CAPN1: variants seen among roughly 807,000 people sequenced by gnomAD.
CAPN1 encodes the protein calpain 1.
In CAPN1, 77 loss-of-function variants were observed where a neutral mutation model predicts 105.2. The observed-to-expected ratio is 0.73, with a 90% CI of 0.61 to 0.88. The LOEUF is 0.88. Ranked by LOEUF, CAPN1 falls within the 40% of genes least tolerant of loss-of-function variation. The pLI is 0.00. For synonymous variants in CAPN1, 355 were observed against 388.8 expected (o/e 0.91, Z 1.02); for missense variants, 833 against 976.6 (o/e 0.85, Z 1.96).
chr11:65,200,638 C>T (rs752976946), intron 10 of CAPN1, among the ~76,000 whole-genome samples: 10 of 151,868 alleles, frequency 6.6e-5, no homozygotes, highest in Non-Finnish European at 1.0e-4. Context: ...CCACCGTGCC[C>T]GGCCGCCTTG....
rs778729807 is a variant in CAPN1, at chr11:65,182,841, T to C, written c.140T>C (p.Val47Ala). 18 of 1,597,710 alleles carry C rather than the reference T, an allele frequency of 1.1e-5. No homozygotes were observed. The highest frequency in any genetic ancestry group is 1.0e-4 in the Admixed American group (6 of 57,210). Residue 47 changes from valine to alanine, a missense_variant, in exon 2 of 22, where the codon GTG (valine) becomes GCG (alanine). By Grantham distance (64) the Val-to-Ala change is moderately conservative. Transcript: ENST00000279247. ...GGCCAGGATTATGAGCAGCTGCGGG[T>C]GCGATGCCTGCAGAGTGGGACCCTC... ...YLGQDYEQLRVRCLQSGTLFR... is the reference protein window; with the variant it reads ...YLGQDYEQLRARCLQSGTLFR...
chr11:65,209,457 C>T lies in CAPN1; in HGVS notation c.1794+70C>T. 1.5e-6 allele frequency: 2 copies of T among 1,296,052 alleles called. No homozygotes were observed. The highest frequency in any genetic ancestry group is 2.2e-6 in the Non-Finnish European group (2 of 904,052). 80.3% of individuals were successfully genotyped at this position (1,296,052 alleles called of 1,614,324 possible). A position where few individuals can be genotyped will look rare whatever the true frequency, so the allele number is the denominator to read the frequency against. ...GAGGTATCGGTGCTGGGAGAACTGT[C>T]CCAGGACAGCACAGAGAACAGGACA... On this transcript the variant is annotated intron_variant, in intron 17 of 21. Transcript: ENST00000279247. This position sits in a 1 kb window ranked among gnomAD's most constrained non-coding sequence, Gnocchi z 4.1.
rs758850643 is a variant in CAPN1, at chr11:65,204,856, G to C, written c.1339G>C (p.Glu447Gln). 13 of 1,601,496 alleles carry C rather than the reference G, an allele frequency of 8.1e-6. No individual in the cohort carries two copies. The highest frequency in any genetic ancestry group is 9.4e-6 in the Non-Finnish European group (11 of 1,171,198). Reference protein sequence around the residue: ...DMETIGFAVYEVPPELVGQPA... With the variant: ...DMETIGFAVYQVPPELVGQPA... ...GGAGACTATTGGCTTCGCGGTCTAC[G>C]AGGTCAGGAGGGTGGATCACCGGTG... Residue 447 changes from glutamate (E) to glutamine (Q), a missense_variant and splice_region_variant, in exon 11 of 22, where the codon GAG becomes CAG. Coordinates refer to ENST00000279247, the MANE Select transcript of CAPN1 (RefSeq NM_005186.4).
In CAPN1 at chr11:65,208,387, T is replaced by A. The variant is rs936694323; in HGVS notation, c.1729+125T>A. 8.7e-6 allele frequency: 8 copies of A among 920,534 alleles called. No individual in the cohort carries two copies. The highest frequency in any genetic ancestry group is 1.4e-5 in the Non-Finnish European group (8 of 583,192). The allele number at this position is 920,534 out of a possible 1,614,324, so 57.0% of individuals were successfully genotyped here. A position where few individuals can be genotyped will look rare whatever the true frequency, so the allele number is the denominator to read the frequency against. Reference sequence around the variant, plus strand: ...CATGAGTCGGGGAATCCTCCAGTTTTTCTGAGCCCAGTTCCCTGCCATTTC... The same window carrying A: ...CATGAGTCGGGGAATCCTCCAGTTTATCTGAGCCCAGTTCCCTGCCATTTC... On this transcript the variant is annotated intron_variant, in intron 16 of 21. Coordinates refer to ENST00000279247, the MANE Select transcript of CAPN1 (RefSeq NM_005186.4). This position sits in a 1 kb window ranked among gnomAD's most constrained non-coding sequence, Gnocchi z 4.1.
chr11:65,202,499 G>A (rs563331260), intron 10 of CAPN1, among the ~76,000 whole-genome samples: 1 of 152,204 alleles, frequency 6.6e-6, no homozygotes, highest in East Asian at 1.9e-4. Flanking sequence ...CTGGAGTGCA[G>A]TGGCCAGATC....
chr11:65,209,770 C>T lies in CAPN1; in HGVS notation c.1795-79C>T, dbSNP rs559579042. The T allele has an allele frequency of 1.4e-6, 2 of 1,416,592 alleles. No homozygotes were observed. Among genetic ancestry groups the T allele is most frequent in the Non-Finnish European group, 9.8e-7 (1 of 1,020,820 alleles). The allele number at this position is 1,416,592 out of a possible 1,614,324, so 87.8% of individuals were successfully genotyped here. A position where few individuals can be genotyped will look rare whatever the true frequency, so the allele number is the denominator to read the frequency against. ...CCAAGTCGACTTGCCGGCTCGGCGGCCATCTCCCCTTCTGCACAGTTGCCC... is the reference window on the plus strand; with the variant it reads ...CCAAGTCGACTTGCCGGCTCGGCGGTCATCTCCCCTTCTGCACAGTTGCCC... On this transcript the variant is annotated intron_variant, in intron 17 of 21. Coordinates refer to ENST00000279247, the MANE Select transcript of CAPN1 (RefSeq NM_005186.4). This position sits in a 1 kb window ranked among gnomAD's most constrained non-coding sequence, Gnocchi z 4.1.
intron 3 of CAPN1, 122 bp downstream of exon 3, chr11:65,183,319 C>A (rs1948575228): frequency 2.6e-5 from 31 of 1,178,460 alleles, no homozygotes; most frequent in Non-Finnish European, 3.8e-5. Flanking sequence ...GCTATCAGCG[C>A]TGGGGCTGGT....
intron 14 of CAPN1, 88 bp downstream of exon 14, chr11:65,206,907 G>A: frequency 7.9e-7 from 1 of 1,267,090 alleles, no homozygotes. Flanking sequence ...TGTCCCCTGA[G>A]TTCCTGCTAA....
chr11:65,195,774 T>A (rs1206008394), intron 10 of CAPN1, among the ~76,000 whole-genome samples: 1 of 152,210 alleles, frequency 6.6e-6, no homozygotes, highest in African/African-American at 2.4e-5. Context: ...TGTCCCCTCA[T>A]CTTCAGTTAT....
Position 65,210,284 on chromosome 11 carries a change from C to T in CAPN1, c.1943-52C>T. The T allele has an allele frequency of 7.4e-7, 1 of 1,360,382 alleles. No individual in the cohort carries two copies. Among genetic ancestry groups the T allele is most frequent in the Admixed American group, 1.8e-5 (1 of 54,892 alleles). The allele number at this position is 1,360,382 out of a possible 1,614,324, so 84.3% of individuals were successfully genotyped here. A position where few individuals can be genotyped will look rare whatever the true frequency, so the allele number is the denominator to read the frequency against. ...CTGGGGACCCAACCCCTCCCCCATC[C>T]TGTTGGGCAGGGGCTGCGCCTCACT... is the stretch of plus-strand genomic sequence containing the variant. On this transcript the variant is annotated intron_variant, in intron 19 of 21. Transcript: ENST00000279247. The surrounding 1 kb of genome is among the most constrained non-coding windows in gnomAD (Gnocchi z 4.3).
chr11:65,181,717 C>A (rs566431302), upstream of CAPN1: 1 of 269,132 alleles, frequency 3.7e-6, no homozygotes, highest in Non-Finnish European at 7.5e-6. This position sits in a 1 kb window ranked among gnomAD's most constrained non-coding sequence, Gnocchi z 4.6. Context: ...ACTGCTCTGC[C>A]TTTTACTAAT....
Position 65,188,336 on chromosome 11 carries a change from C to A in CAPN1, c.930-78C>A. ...CTGGGCTGGGCCGGGGGAAGACAGGCCAGGGTAGACAGGCCCCAGGGACAG... is the reference window on the plus strand; with the variant it reads ...CTGGGCTGGGCCGGGGGAAGACAGGACAGGGTAGACAGGCCCCAGGGACAG... On this transcript the variant is annotated intron_variant, in intron 8 of 21. Transcript: ENST00000279247. The surrounding 1 kb of genome is among the most constrained non-coding windows in gnomAD (Gnocchi z 5.5). 7.5e-7 allele frequency: 1 copy of A among 1,335,720 alleles called. No individual in the cohort carries two copies. The highest frequency in any genetic ancestry group is 1.0e-6 in the Non-Finnish European group (1 of 954,596). The allele number at this position is 1,335,720 out of a possible 1,614,324, so 82.7% of individuals were successfully genotyped here.
At chr11:65,204,895 A>C (rs537781150) in intron 11 of CAPN1, 37 bp downstream of exon 11, 2 of 1,569,036 alleles carry the variant, frequency 1.3e-6, no homozygotes, top group African/African-American at 1.3e-5. Context: ...CTCACTGAGC[A>C]GGCAGAGGAC....
Position 65,188,795 on chromosome 11 carries a change from C to T in CAPN1, c.1165+49C>T. 2.0e-6 allele frequency: 3 copies of T among 1,472,642 alleles called. No homozygotes were observed. Among genetic ancestry groups the T allele is most frequent in the Non-Finnish European group, 1.8e-6 (2 of 1,082,868 alleles). The allele number at this position is 1,472,642 out of a possible 1,614,324, so 91.2% of individuals were successfully genotyped here. On this transcript the variant is annotated intron_variant, in intron 10 of 21. Coordinates refer to ENST00000279247, the MANE Select transcript of CAPN1 (RefSeq NM_005186.4). This position sits in a 1 kb window ranked among gnomAD's most constrained non-coding sequence, Gnocchi z 5.5. ...CTTGCTGCTTCCTGGCTTAGGGGCT[C>T]CAGAAGGCACGTCATCTTACTGAGC...
intron 3 of CAPN1, 57 bp downstream of exon 3, chr11:65,183,254 C>T (rs1020420950): frequency 6.6e-6 from 10 of 1,508,192 alleles, no homozygotes; most frequent in Admixed American, 1.7e-5. Flanking sequence ...TCCCCATTCC[C>T]GCTCCTTCAG....
upstream of CAPN1, chr11:65,181,902 G>C (rs2137301834): frequency 5.9e-6 from 1 of 169,320 alleles, no homozygotes; most frequent in East Asian, 1.9e-4. This position sits in a 1 kb window ranked among gnomAD's most constrained non-coding sequence, Gnocchi z 4.6. Context: ...GGGCGGAGGG[G>C]CGGCGGGAGG....
intron 10 of CAPN1, among the ~76,000 whole-genome samples, chr11:65,190,983 G>A (rs1948712281): frequency 6.6e-6 from 1 of 152,100 alleles, no homozygotes; most frequent in Non-Finnish European, 1.5e-5. Flanking sequence ...GGGATTACAG[G>A]CGTGAGCCAC....
In CAPN1 at chr11:65,186,348, C is replaced by A; in HGVS notation, c.759+10C>A. ...GGGCTGCTCCATAGACGTGAGTGTG[C>A]CCGGCCCCGATGCTTTGGTACCCTG... On this transcript the variant is annotated intron_variant, in intron 6 of 21. Coordinates refer to ENST00000279247, the MANE Select transcript of CAPN1 (RefSeq NM_005186.4). The A allele has an allele frequency of 6.2e-7, 1 of 1,603,138 alleles. No homozygotes were observed. The highest frequency in any genetic ancestry group is 8.5e-7 in the Non-Finnish European group (1 of 1,174,194).
rs148743672 is a variant in CAPN1, at chr11:65,209,374, T to G, written c.1781T>G (p.Val594Gly). 33 of 1,613,506 alleles carry G rather than the reference T, an allele frequency of 2.0e-5. No individual in the cohort carries two copies. Among genetic ancestry groups the G allele is most frequent in the Non-Finnish European group, 2.8e-5 (33 of 1,179,684 alleles). Residue 594 changes from valine (V) to glycine (G), a missense_variant, in exon 17 of 22, where the codon GTG becomes GGG. Physicochemically the swap from Val to Gly is moderately radical, Grantham distance 109 (BLOSUM62 -3). Transcript: ENST00000279247. This position sits in a 1 kb window ranked among gnomAD's most constrained non-coding sequence, Gnocchi z 4.1. ...AGCCTAGAGTCGTGCCGCAGCATGGTGAACCTCATGGATGTATCCTTCCGT... is the reference window on the plus strand; with the variant it reads ...AGCCTAGAGTCGTGCCGCAGCATGGGGAACCTCATGGATGTATCCTTCCGT... Reference protein sequence around the residue: ...GFSLESCRSMVNLMDRDGNGK... With the variant: ...GFSLESCRSMGNLMDRDGNGK...
Sources: allele counts gnomAD v4.1 joint callset (sites outside exome capture counted in the v4.1 genomes callset), GRCh38; gene constraint gnomAD v4.1.1; non-coding constraint Gnocchi (gnomAD v3.1); transcripts MANE v1.5; gene names NCBI Gene and HGNC (gene_info 2026-07-23, HGNC 2026-07-21).